MROH2B: variants seen among roughly 807,000 people sequenced by gnomAD.
MROH2B encodes the protein maestro heat-like repeat-containing protein family member 2B.
A neutral mutation model predicts 208.6 loss-of-function variants in MROH2B; 177 were observed. The observed-to-expected ratio is 0.85, with a 90% CI of 0.75 to 0.96. The LOEUF (loss-of-function observed/expected upper bound fraction) is 0.96, where lower values mean the gene tolerates loss of function less well. Ranked by LOEUF, MROH2B falls within the 40% of genes least tolerant of loss-of-function variation. The pLI, the probability that MROH2B is intolerant of heterozygous loss-of-function variation, is 0.00. For missense variants in MROH2B, 2,002 were observed against 1,878.7 expected (o/e 1.07, Z -1.21); for synonymous variants, 728 against 659.0 (o/e 1.10, Z -1.60).
Position 41,033,027 on chromosome 5 carries a change from C to G in MROH2B, c.2361+14G>C. The stretch of plus-strand genomic sequence containing the variant: ...ATACTCAGGGCCTTTCTTATTCCCT[C>G]TCTGCACACTCACCAGCATGTAACC... On this transcript the variant is annotated intron_variant, in intron 23 of 41. Coordinates refer to ENST00000399564, the MANE Select transcript of MROH2B (RefSeq NM_173489.5). 1 of 1,612,646 alleles carries G rather than the reference C, an allele frequency of 6.2e-7. No homozygotes were observed. The highest frequency in any genetic ancestry group is 8.5e-7 in the Non-Finnish European group (1 of 1,179,092).
chr5:41,055,071 T>A (rs2150178209), intron 10 of MROH2B, among the ~76,000 whole-genome samples: 1 of 152,366 alleles, frequency 6.6e-6, no homozygotes, highest in South Asian at 2.1e-4. Context: ...AAATGTTAGG[T>A]TCCATAGTGG....
intron 31 of MROH2B, 70 bp downstream of exon 31, chr5:41,009,852 G>A (rs752494554): frequency 1.6e-5 from 24 of 1,475,446 alleles, no homozygotes; most frequent in African/African-American, 5.6e-5. Context: ...CTCTCAAACC[G>A]TAAATCCCTC....
At chr5:41,029,087 A>G (rs550384570) in intron 24 of MROH2B, among the ~76,000 whole-genome samples, 1 of 152,206 alleles carries the variant, frequency 6.6e-6, no homozygotes, top group Non-Finnish European at 1.5e-5. Flanking sequence ...TTACGTTCCC[A>G]CCAACAGTGT....
Position 40,998,728 on chromosome 5 carries a change from C to T in MROH2B, c.4586-51G>A, listed in dbSNP as rs1741290232. ...CTGATTTCATTATAGAGGAAGAAGC[C>T]ATGAAAAGTATAGCAGGTTAGACTC... is the stretch of plus-strand genomic sequence containing the variant. On this transcript the variant is annotated intron_variant, in intron 40 of 41. Transcript: ENST00000399564. 4.7e-6 allele frequency: 7 copies of T among 1,477,352 alleles called. No individual in the cohort carries two copies. In the East Asian group the frequency reaches 1.7e-4, roughly 36 times the overall value. The allele number at this position is 1,477,352 out of a possible 1,614,324, so 91.5% of individuals were successfully genotyped here. A position where few individuals can be genotyped will look rare whatever the true frequency, so the allele number is the denominator to read the frequency against.
At chr5:41,067,759 A>C (rs1482914496) in intron 2 of MROH2B, among the ~76,000 whole-genome samples, 2 of 152,156 alleles carry the variant, frequency 1.3e-5, no homozygotes, top group African/African-American at 4.8e-5. Flanking sequence ...ACTTGGCTAT[A>C]TTTCTATGGC....
At chr5:41,063,556 G>A (rs1561308291) in intron 5 of MROH2B, among the ~76,000 whole-genome samples, 1 of 152,170 alleles carries the variant, frequency 6.6e-6, no homozygotes, top group Non-Finnish European at 1.5e-5. Context: ...ATATTACTTT[G>A]ATGACAGAAC....
At chr5:41,037,284 A>G (rs1742796954) in intron 21 of MROH2B, among the ~76,000 whole-genome samples, 1 of 152,204 alleles carries the variant, frequency 6.6e-6, no homozygotes, top group Non-Finnish European at 1.5e-5. Context: ...AAGTCTCACT[A>G]TGTTCAGGCT....
intron 24 of MROH2B, among the ~76,000 whole-genome samples, chr5:41,025,007 A>C (rs1324969496): frequency 6.6e-6 from 1 of 152,230 alleles, no homozygotes; most frequent in Admixed American, 6.5e-5. Flanking sequence ...GACACAACAT[A>C]CCAGAATCTC....
chr5:41,056,552 G>A (rs1743458157), intron 9 of MROH2B, among the ~76,000 whole-genome samples: 1 of 152,072 alleles, frequency 6.6e-6, no homozygotes, highest in African/African-American at 2.4e-5. Flanking sequence ...TGGGAGCATA[G>A]TTTTGTATTC....
At chr5:41,038,069 A>G (rs1742820083) in intron 21 of MROH2B, among the ~76,000 whole-genome samples, 1 of 152,186 alleles carries the variant, frequency 6.6e-6, no homozygotes, top group Non-Finnish European at 1.5e-5. Flanking sequence ...GTTGGCTGGG[A>G]TGAATGTGGA....
rs1368700238 is a variant in MROH2B at position 41,057,123 on chromosome 5, C to G, written c.905G>C (p.Cys302Ser). 6.2e-7 allele frequency: 1 copy of G among 1,613,898 alleles called. No homozygotes were observed. The highest frequency in any genetic ancestry group is 1.3e-5 in the African/African-American group (1 of 74,936). ...VKENEMKASS[C>S]FLILAHSNPG... ...GCTGGTCCTACCTAGAATGAGAAAACAGCTTGAAGCTTTCATTTCATTTTC... is the reference window on the plus strand; with the variant it reads ...GCTGGTCCTACCTAGAATGAGAAAAGAGCTTGAAGCTTTCATTTCATTTTC... The change falls in exon 9 of 42, where the codon TGT becomes TCT. Residue 302 changes from cysteine to serine, a missense_variant. Coordinates refer to ENST00000399564, the MANE Select transcript of MROH2B (RefSeq NM_173489.5).
At chr5:41,050,752 T>C (rs890633027) in intron 13 of MROH2B, among the ~76,000 whole-genome samples, 4 of 152,150 alleles carry the variant, frequency 2.6e-5, no homozygotes, top group Non-Finnish European at 5.9e-5. Context: ...TATATATAAA[T>C]TGTCATGAAC....
At position 41,065,363 on chromosome 5, in the gene MROH2B, A is replaced by G; in HGVS notation, c.329T>C (p.Val110Ala). The change falls in exon 4 of 42, where the codon GTG becomes GCG. Residue 110 changes from valine to alanine, a missense_variant. Coordinates refer to ENST00000399564, the MANE Select transcript of MROH2B (RefSeq NM_173489.5). ...RILELPDEFV[V>A]LALAELATSY... is the part of the protein sequence containing the mutation. ...GGTTGCCAATTCAGCCAGGGCAAGC[A>G]CAACGAATTCATCTGGTAGCTCTAA... The G allele has an allele frequency of 6.2e-7, 1 of 1,613,340 alleles. No homozygotes were observed. Among genetic ancestry groups the G allele is most frequent in the Non-Finnish European group, 8.5e-7 (1 of 1,179,558 alleles).
chr5:40,999,137 A>G (rs1375148488), intron 40 of MROH2B, among the ~76,000 whole-genome samples: 1 of 152,238 alleles, frequency 6.6e-6, no homozygotes, highest in African/African-American at 2.4e-5. Flanking sequence ...GAATTTCATG[A>G]TAGAAGGATC....
At chr5:41,058,684 AT>A (rs1743540482) in intron 6 of MROH2B, among the ~76,000 whole-genome samples, 1 of 151,970 alleles carries the variant, frequency 6.6e-6, no homozygotes, top group Admixed American at 6.5e-5. Flanking sequence ...GAGCTTTTCT[AT>A]TTTTTAAACC....
At chr5:41,056,031 C>T (rs1464976114) in intron 9 of MROH2B, among the ~76,000 whole-genome samples, 176 bp from the exon 10 acceptor site, 1 of 152,182 alleles carries the variant, frequency 6.6e-6, no homozygotes, top group African/African-American at 2.4e-5. Context: ...CAGTTTTGTT[C>T]ATAAGAGAGC....
At chr5:41,068,404 C>A (rs750054222) in intron 2 of MROH2B, among the ~76,000 whole-genome samples, 1 of 152,142 alleles carries the variant, frequency 6.6e-6, no homozygotes, top group African/African-American at 2.4e-5. Context: ...TGGAACTGTG[C>A]CAGACTCATT....
In MROH2B at chr5:41,018,940, T is replaced by C. The variant is rs746751757; in HGVS notation, c.2520A>G (p.Pro840=). ...CTTCACTTTTCAGATTTTCCAGAGGTGGAAGGGGCAGCAGCCTCCGAATAT... is the reference window on the plus strand; with the variant it reads ...CTTCACTTTTCAGATTTTCCAGAGGCGGAAGGGGCAGCAGCCTCCGAATAT... ...EENIRRLLPL[P]PLENLKSEGQ... The change falls in exon 25 of 42, where the codon CCA becomes CCG. Residue 840 remains proline (P), a synonymous_variant. Coordinates refer to ENST00000399564, the MANE Select transcript of MROH2B (RefSeq NM_173489.5). The C allele has an allele frequency of 3.7e-6, 6 of 1,613,638 alleles. No homozygotes were observed. The East Asian group carries it at 1.3e-4, about 36-fold the overall frequency.
chr5:41,029,328 C>G (rs1373251312), intron 24 of MROH2B, among the ~76,000 whole-genome samples: 1 of 152,002 alleles, frequency 6.6e-6, no homozygotes, highest in East Asian at 1.9e-4. Context: ...TATATATTTT[C>G]TTGCTATTGA....
Sources: gnomAD v4.1 joint callset for allele counts (sites outside exome capture counted in the v4.1 genomes callset) on GRCh38, gnomAD v4.1.1 for gene constraint, MANE v1.5 for transcripts, NCBI Gene and HGNC (gene_info 2026-07-23, HGNC 2026-07-21) for gene names.